PPP3CA: variants seen among roughly 807,000 people sequenced by gnomAD.
The protein encoded by PPP3CA is CAM-PRP catalytic subunit.
PPP3CA carries 14 observed loss-of-function variants against 66.5 expected under a neutral mutation model. The ratio of observed to expected loss-of-function variants is 0.21; its 90% CI spans 0.14 to 0.33. The LOEUF is 0.33. Among genes scored for constraint, PPP3CA ranks in the 10% least tolerant of loss-of-function variants. PPP3CA has a pLI of 1.00. For synonymous variants in PPP3CA, 232 were observed against 226.2 expected, an observed-to-expected ratio of 1.03 and a Z score of -0.23; for missense variants, 317 against 639.5, an observed-to-expected ratio of 0.50 and a Z score of 5.44.
chr4:101,206,850 A>C (rs75423137), intron 1 of PPP3CA, among the ~76,000 whole-genome samples: 7,347 of 152,328 alleles, frequency 0.048, 229 homozygotes, highest in Middle Eastern at 0.088. Context: ...TATAATTATA[A>C]AAATGATAGT....
chr4:101,324,139 GGGAAGGAAGGGA>G (rs1729126457), intron 1 of PPP3CA, among the ~76,000 whole-genome samples: 1 of 122,728 alleles, frequency 8.1e-6, no homozygotes, highest in Non-Finnish European at 1.6e-5. Flanking sequence ...AGGGAAGGAA[GGGAAGGAAGGGA>G]GGGAGGAAGG....
chr4:101,157,527 A>G (rs1353357670), intron 2 of PPP3CA, among the ~76,000 whole-genome samples: 1 of 152,172 alleles, frequency 6.6e-6, no homozygotes, highest in Admixed American at 6.5e-5. Flanking sequence ...GGAGACAGGG[A>G]GGATGGCAGT....
intron 1 of PPP3CA, among the ~76,000 whole-genome samples, chr4:101,247,890 T>C (rs1023174138): frequency 1.3e-5 from 2 of 152,042 alleles, no homozygotes; most frequent in Non-Finnish European, 2.9e-5. Flanking sequence ...AAAAAACCTA[T>C]ATATATATAC....
chr4:101,082,906 A>G (rs889360446), intron 7 of PPP3CA, among the ~76,000 whole-genome samples: 4 of 152,198 alleles, frequency 2.6e-5, no homozygotes, highest in Admixed American at 1.3e-4. Flanking sequence ...ATTGAGAGGA[A>G]TAAGAGGAGG....
chr4:101,038,164 T>C (rs965790941), intron 11 of PPP3CA, among the ~76,000 whole-genome samples: 3 of 152,120 alleles, frequency 2.0e-5, no homozygotes, highest in Non-Finnish European at 4.4e-5. Flanking sequence ...GCTCTTAGGA[T>C]TGTGTGGCTG....
intron 1 of PPP3CA, among the ~76,000 whole-genome samples, chr4:101,214,146 G>T (rs1277806529): frequency 6.6e-6 from 1 of 152,050 alleles, no homozygotes; most frequent in Non-Finnish European, 1.5e-5. Flanking sequence ...TATTTTGGGG[G>T]GCTAACATTG....
At chr4:101,126,682 C>T (rs1014989305) in intron 2 of PPP3CA, among the ~76,000 whole-genome samples, 2 of 152,140 alleles carry the variant, frequency 1.3e-5, no homozygotes, top group African/African-American at 4.8e-5. Context: ...TATTTATCCA[C>T]CAGTAAAGCT....
rs1722520493 is a variant in PPP3CA at position 101,133,607 on chromosome 4, TG to T, written c.260-24530del. Among the ~76,000 whole-genome samples, 11 of 152,078 alleles carry T rather than the reference TG, an allele frequency of 7.2e-5. 1 individual carries two copies. The South Asian group carries it at 2.3e-3, about 32-fold the overall frequency. The stretch of plus-strand genomic sequence containing the variant: ...AAAGAAATGAGAGGACACAAACAAA[TG>T]GAAAAACATTCCATGCTCATGGATA... On this transcript the variant is annotated intron_variant, in intron 2 of 13. Transcript: ENST00000394854.
intron 1 of PPP3CA, among the ~76,000 whole-genome samples, chr4:101,338,506 G>A (rs1729706924): frequency 6.6e-6 from 1 of 152,190 alleles, no homozygotes; most frequent in African/African-American, 2.4e-5. Flanking sequence ...AGCAGGCCCT[G>A]TGCTAGAGCT....
intron 1 of PPP3CA, among the ~76,000 whole-genome samples, chr4:101,249,176 A>G (rs1327607363): frequency 6.6e-6 from 1 of 151,986 alleles, no homozygotes; most frequent in African/African-American, 2.4e-5. Flanking sequence ...CAAAAAAAAA[A>G]AAACCAAAAA....
At chr4:101,242,023 T>C (rs1163774185) in intron 1 of PPP3CA, among the ~76,000 whole-genome samples, 4 of 152,268 alleles carry the variant, frequency 2.6e-5, no homozygotes, top group East Asian at 1.9e-4. Flanking sequence ...ATCTTATCAA[T>C]TACATAACCT....
chr4:101,307,281 C>G (rs1380488693), intron 1 of PPP3CA, among the ~76,000 whole-genome samples: 2 of 151,942 alleles, frequency 1.3e-5, no homozygotes, highest in Admixed American at 1.3e-4. Flanking sequence ...CCTAGCTCCA[C>G]TTGTGATTAC....
At chr4:101,184,631 G>A (rs1451234610) in intron 2 of PPP3CA, among the ~76,000 whole-genome samples, 2 of 152,070 alleles carry the variant, frequency 1.3e-5, no homozygotes, top group African/African-American at 4.8e-5. Context: ...TTTAAAATTT[G>A]TAAGTGTCTC....
intron 1 of PPP3CA, among the ~76,000 whole-genome samples, chr4:101,261,313 G>C (rs947522554): frequency 6.6e-6 from 1 of 152,022 alleles, no homozygotes; most frequent in Non-Finnish European, 1.5e-5. Context: ...TCACAGTATT[G>C]AAAGTATGGT....
intron 2 of PPP3CA, among the ~76,000 whole-genome samples, chr4:101,170,562 G>T (rs918926376): frequency 2.6e-5 from 4 of 151,216 alleles, no homozygotes; most frequent in African/African-American, 4.9e-5. Flanking sequence ...AGGGTGAGAG[G>T]TGAAAAAAAA....
At chr4:101,184,506 A>C (rs1406022487) in intron 2 of PPP3CA, among the ~76,000 whole-genome samples, 3 of 152,214 alleles carry the variant, frequency 2.0e-5, no homozygotes, top group African/African-American at 7.2e-5. Context: ...CTTAGTAAAA[A>C]AAAGAGGGCA....
chr4:101,078,082 T>C lies in PPP3CA; in HGVS notation c.955+2450A>G, dbSNP rs145140214. Among the ~76,000 whole-genome samples the C allele has an allele frequency of 1.5e-4, 23 of 152,268 alleles. 1 individual carries two copies. The East Asian group carries it at 4.4e-3, about 29-fold the overall frequency. On this transcript the variant is annotated intron_variant, in intron 8 of 13. Coordinates refer to ENST00000394854, the MANE Select transcript of PPP3CA (RefSeq NM_000944.5). ...AGTACATGCTATTTAGTAATCAGTC[T>C]TTGGCAAGAAAATGACTTTTAGGGA...
chr4:101,178,301 G>A (rs575656843), intron 2 of PPP3CA, among the ~76,000 whole-genome samples: 1 of 152,154 alleles, frequency 6.6e-6, no homozygotes, highest in South Asian at 2.1e-4. Flanking sequence ...CCATGTTTCA[G>A]TTTTACTTTA....
At chr4:101,123,290 T>C (rs544589338) in intron 2 of PPP3CA, among the ~76,000 whole-genome samples, 264 of 152,228 alleles carry the variant, frequency 1.7e-3, no homozygotes, top group South Asian at 7.5e-3. Flanking sequence ...GAAGGAACAA[T>C]GCAATGGGCA....
Sources: allele counts gnomAD v4.1 joint callset (sites outside exome capture counted in the v4.1 genomes callset), GRCh38; gene constraint gnomAD v4.1.1; transcripts MANE v1.5; gene names NCBI Gene and HGNC (gene_info 2026-07-23, HGNC 2026-07-21).